The following ARSG variants were observed in gnomAD, a reference collection of about 807,000 sequenced individuals.
ARSG encodes the protein ASG.
In ARSG, 37 loss-of-function variants were observed where a neutral mutation model predicts 50.5. That is an observed-to-expected ratio of 0.73 (90% CI 0.56 to 0.96). The LOEUF (loss-of-function observed/expected upper bound fraction) is 0.96. ARSG is among the 50% of genes least tolerant of loss of function. The pLI, the probability that ARSG is intolerant of heterozygous loss-of-function variation, is 0.00. For missense variants in ARSG, 629 were observed against 675.3 expected (o/e 0.93, Z 0.76); for synonymous variants, 225 against 254.6 (o/e 0.88, Z 1.11).
the ARSG span, among the ~76,000 whole-genome samples, chr17:68,432,703 C>T: frequency 6.6e-6 from 1 of 152,140 alleles, no homozygotes; most frequent in Non-Finnish European, 1.5e-5. Context: ...CCAAGGGTAC[C>T]AGCAACCAAC....
chr17:68,285,007 C>T (rs1230622333), intron 1 of ARSG, among the ~76,000 whole-genome samples: 3 of 152,174 alleles, frequency 2.0e-5, no homozygotes, highest in Admixed American at 6.6e-5. Flanking sequence ...GCCAGGTCCT[C>T]GCTTTCACTA....
chr17:68,444,465 G>T, the ARSG span: 3 of 1,589,704 alleles, frequency 1.9e-6, no homozygotes, highest in Non-Finnish European at 2.6e-6. Flanking sequence ...GAAATTTCAG[G>T]GACATTTGTT....
At chr17:68,351,994 G>A (rs1286986444) in intron 5 of ARSG, among the ~76,000 whole-genome samples, 1 of 151,976 alleles carries the variant, frequency 6.6e-6, no homozygotes, top group Non-Finnish European at 1.5e-5. Flanking sequence ...TCTGCCTGCT[G>A]TCTTTGCTTC....
chr17:68,362,927 A>C (rs1462129725), intron 6 of ARSG, among the ~76,000 whole-genome samples: 2 of 152,182 alleles, frequency 1.3e-5, no homozygotes, highest in Non-Finnish European at 2.9e-5. Flanking sequence ...GTTAGAGCTT[A>C]ATAAATATTT....
chr17:68,325,176 G>A (rs574402505), intron 2 of ARSG, among the ~76,000 whole-genome samples: 9 of 152,174 alleles, frequency 5.9e-5, no homozygotes, highest in Admixed American at 6.5e-5. Context: ...TTGCATTACC[G>A]CCTGAGCTCC....
intron 1 of ARSG, among the ~76,000 whole-genome samples, chr17:68,296,425 T>C (rs1409174611): frequency 6.6e-6 from 1 of 152,204 alleles, no homozygotes; most frequent in Non-Finnish European, 1.5e-5. Context: ...TAGGCAATGT[T>C]AAGCTTCCAT....
intron 1 of ARSG, among the ~76,000 whole-genome samples, chr17:68,262,856 A>G (rs2075095319): frequency 6.6e-6 from 1 of 152,240 alleles, no homozygotes; most frequent in Admixed American, 6.5e-5. Context: ...GAAGATGCCT[A>G]GTTTTATATC....
chr17:68,275,068 C>T (rs562607229), intron 1 of ARSG, among the ~76,000 whole-genome samples: 2 of 152,314 alleles, frequency 1.3e-5, no homozygotes, highest in South Asian at 4.1e-4. Flanking sequence ...GCGTGAGCCA[C>T]CGCGCCCAGC....
intron 2 of ARSG, among the ~76,000 whole-genome samples, chr17:68,335,270 A>G (rs562220586): frequency 6.6e-6 from 1 of 152,002 alleles, no homozygotes; most frequent in Non-Finnish European, 1.5e-5. Context: ...GTTATAAGAG[A>G]TATGTCGGCC....
chr17:68,355,970 C>T (rs973192699), intron 5 of ARSG, among the ~76,000 whole-genome samples: 2 of 152,132 alleles, frequency 1.3e-5, no homozygotes, highest in Admixed American at 6.6e-5. Context: ...CAACCTCCGC[C>T]TCCCGGGTTC....
chr17:68,357,896 ATAT>A (rs1201221432), intron 6 of ARSG, among the ~76,000 whole-genome samples: 2 of 152,210 alleles, frequency 1.3e-5, no homozygotes, highest in African/African-American at 4.8e-5. Flanking sequence ...TGATCTTGAA[ATAT>A]TAGAAACTAC....
In ARSG at chr17:68,291,512, T is replaced by A. The variant is rs1449364015; in HGVS notation, c.-608T>A. On this transcript the variant is annotated 5_prime_UTR_variant, in exon 1 of 12. Transcript: ENST00000621439. ...GCGCGCGCGCCGTCCCACGTGGACC[T>A]GAGCCGCGCCGGTCGCGCGCCCGCC... 1 of 149,482 alleles carries A rather than the reference T, an allele frequency of 6.7e-6. No individual in the cohort carries two copies. The allele number at this position is 149,482 out of a possible 1,614,324, so 9.3% of individuals were successfully genotyped here. A position where few individuals can be genotyped will look rare whatever the true frequency, so the allele number is the denominator to read the frequency against.
chr17:68,448,216 G>A, the ARSG span: 2 of 152,238 alleles, frequency 1.3e-5, no homozygotes, highest in Admixed American at 1.3e-4. Flanking sequence ...CCTGGCAAGA[G>A]AGGCTGCAGC....
chr17:68,278,311 T>C, intron 1 of ARSG: 5 of 1,612,828 alleles, frequency 3.1e-6, no homozygotes, highest in Non-Finnish European at 4.2e-6. Context: ...TTTAATTTAT[T>C]TTGGGTCATT....
intron 2 of ARSG, among the ~76,000 whole-genome samples, chr17:68,342,927 C>A (rs1236251810): frequency 6.6e-6 from 1 of 152,222 alleles, no homozygotes; most frequent in Non-Finnish European, 1.5e-5. Context: ...CTTTGCAGGT[C>A]TGCCTATATC....
At chr17:68,421,841 T>C (rs376571711), downstream of ARSG, 6 of 1,614,030 alleles carry the variant, frequency 3.7e-6, no homozygotes, top group Middle Eastern at 1.6e-4. Context: ...CAAAACAGAA[T>C]GGCCTTACTC....
At chr17:68,289,824 G>GT (rs1355619625), upstream of ARSG, among the ~76,000 whole-genome samples, 1 of 152,158 alleles carries the variant, frequency 6.6e-6, no homozygotes, top group African/African-American at 2.4e-5. Flanking sequence ...AAAACTCAGG[G>GT]TTAGTGGTAC....
chr17:68,428,999 A>G, the ARSG span: 70,866 of 1,275,162 alleles, frequency 0.056, 2,194 homozygotes, highest in Middle Eastern at 0.07. Context: ...TTCGCTTCCA[A>G]TGACAAAGCC....
chr17:68,428,761 C>G, the ARSG span: 1 of 1,265,370 alleles, frequency 7.9e-7, no homozygotes, highest in East Asian at 2.3e-5. Context: ...GCTTGTCGTT[C>G]TTGGCGAAGG....
Sources: allele counts gnomAD v4.1 joint callset (sites outside exome capture counted in the v4.1 genomes callset), GRCh38; gene constraint gnomAD v4.1.1; transcripts MANE v1.5; gene names NCBI Gene and HGNC (gene_info 2026-07-23, HGNC 2026-07-21).